The following ZDHHC2 variants were observed in gnomAD, a reference collection of about 807,000 sequenced individuals.
ZDHHC2 encodes palmitoyltransferase ZDHHC2.
A neutral mutation model predicts 55.6 loss-of-function variants in ZDHHC2; 51 were observed. The observed-to-expected ratio is 0.92, with a 90% confidence interval of 0.73 to 1.16. The LOEUF (loss-of-function observed/expected upper bound fraction) is 1.16, where lower values mean the gene tolerates loss of function less well. Among genes scored for constraint, ZDHHC2 ranks in the 50% most tolerant of loss-of-function variants. ZDHHC2 has a pLI of 0.00. For synonymous variants in ZDHHC2, 199 were observed against 152.9 expected (o/e 1.30, Z -2.22); for missense variants, 491 against 442.4 (o/e 1.11, Z -0.99).
intron 12 of ZDHHC2, among the ~76,000 whole-genome samples, chr8:17,219,279 CAG>C (rs1807801345): frequency 2.7e-5 from 2 of 72,968 alleles, no homozygotes; most frequent in Non-Finnish European, 5.5e-5. Context: ...AAAAAAAAAA[CAG>C]AAAAAAAACA....
At chr8:17,168,462 A>AT (rs1006556381) in intron 1 of ZDHHC2, among the ~76,000 whole-genome samples, 85 of 151,936 alleles carry the variant, frequency 5.6e-4, no homozygotes, top group East Asian at 2.9e-3. Flanking sequence ...CCTAGAGCAG[A>AT]TTTTTTTTTA....
chr8:17,200,357 C>G (rs1302170240), intron 6 of ZDHHC2, among the ~76,000 whole-genome samples: 1 of 152,236 alleles, frequency 6.6e-6, no homozygotes, highest in Non-Finnish European at 1.5e-5. Flanking sequence ...AATGCTTTAT[C>G]CTTCCTGTCT....
intron 6 of ZDHHC2, among the ~76,000 whole-genome samples, chr8:17,200,127 C>G (rs1407948255): frequency 4.6e-5 from 7 of 152,136 alleles, no homozygotes; most frequent in Admixed American, 4.6e-4. Flanking sequence ...CCACCTGTAT[C>G]CCCATGACCC....
At chr8:17,209,008 T>A (rs907472410) in intron 8 of ZDHHC2, among the ~76,000 whole-genome samples, 1 of 152,200 alleles carries the variant, frequency 6.6e-6, no homozygotes. Flanking sequence ...ATTTTTCTTT[T>A]TAATGGAGAA....
intron 12 of ZDHHC2, among the ~76,000 whole-genome samples, chr8:17,218,780 C>T (rs897958257): frequency 1.3e-5 from 2 of 152,132 alleles, no homozygotes; most frequent in African/African-American, 2.4e-5. Context: ...TCTATTCTAT[C>T]GATACAACCA....
chr8:17,205,006 G>C (rs1287508574), intron 6 of ZDHHC2, among the ~76,000 whole-genome samples: 1 of 152,106 alleles, frequency 6.6e-6, no homozygotes, highest in Non-Finnish European at 1.5e-5. Flanking sequence ...CATATTTAGA[G>C]CCGACTTTTG....
intron 1 of ZDHHC2, among the ~76,000 whole-genome samples, chr8:17,173,925 C>T (rs1563144068): frequency 6.6e-6 from 1 of 152,064 alleles, no homozygotes; most frequent in Non-Finnish European, 1.5e-5. Flanking sequence ...CCTTATCCAA[C>T]GTGACTTGCT....
chr8:17,204,676 G>A (rs1006876741), intron 6 of ZDHHC2, among the ~76,000 whole-genome samples: 5 of 152,242 alleles, frequency 3.3e-5, no homozygotes, highest in African/African-American at 1.2e-4. Context: ...AGGGTGGGAG[G>A]AGGAAGAAGG....
intron 5 of ZDHHC2, among the ~76,000 whole-genome samples, 197 bp from the exon 6 acceptor site, chr8:17,198,184 A>G (rs1806422337): frequency 6.6e-6 from 1 of 152,152 alleles, no homozygotes; most frequent in South Asian, 2.1e-4. Flanking sequence ...AATTCAAGTT[A>G]TATTATTATA....
chr8:17,214,919 A>G (rs1807572546), intron 10 of ZDHHC2, among the ~76,000 whole-genome samples: 1 of 152,110 alleles, frequency 6.6e-6, no homozygotes, highest in South Asian at 2.1e-4. Context: ...CATAAAATTG[A>G]TAATAAAATA....
At chr8:17,196,873 T>G (rs1329729595) in intron 4 of ZDHHC2, among the ~76,000 whole-genome samples, 2 of 151,266 alleles carry the variant, frequency 1.3e-5, no homozygotes, top group Non-Finnish European at 2.9e-5. Context: ...ATGACACCAG[T>G]GCACTCCAGC....
At chr8:17,164,557 G>A (rs995045126) in intron 1 of ZDHHC2, among the ~76,000 whole-genome samples, 2 of 151,608 alleles carry the variant, frequency 1.3e-5, no homozygotes, top group Admixed American at 6.6e-5. Context: ...GGAACAGAGT[G>A]GTGCAGAGGA....
intron 3 of ZDHHC2, among the ~76,000 whole-genome samples, chr8:17,187,114 G>A (rs1382025745): frequency 6.6e-6 from 1 of 152,230 alleles, no homozygotes; most frequent in Non-Finnish European, 1.5e-5. Flanking sequence ...AGGAAGGGGG[G>A]AGTGTAGCCT....
intron 7 of ZDHHC2, among the ~76,000 whole-genome samples, chr8:17,206,016 G>T (rs1295887954): frequency 6.6e-6 from 1 of 152,158 alleles, no homozygotes; most frequent in African/African-American, 2.4e-5. Flanking sequence ...ACATTGAGTT[G>T]CCCCCATGCC....
At chr8:17,196,181 G>T (rs1781957131) in intron 4 of ZDHHC2, among the ~76,000 whole-genome samples, 1 of 151,988 alleles carries the variant, frequency 6.6e-6, no homozygotes, top group Admixed American at 6.6e-5. Flanking sequence ...CACTTAAACA[G>T]TTGTCTTAAA....
intron 1 of ZDHHC2, among the ~76,000 whole-genome samples, chr8:17,167,913 C>A (rs1202306894): frequency 6.6e-6 from 1 of 152,028 alleles, no homozygotes; most frequent in South Asian, 2.1e-4. Context: ...AACTGTAGTC[C>A]GTTTTAGTAG....
intron 3 of ZDHHC2, among the ~76,000 whole-genome samples, chr8:17,186,901 C>T (rs555093748): frequency 7.9e-5 from 12 of 152,346 alleles, no homozygotes; most frequent in South Asian, 2.1e-4. Context: ...TTCTCTGCCA[C>T]GTGTAGCCTC....
intron 3 of ZDHHC2, among the ~76,000 whole-genome samples, chr8:17,193,418 G>C (rs1275599926): frequency 6.6e-6 from 1 of 152,208 alleles, no homozygotes; most frequent in Non-Finnish European, 1.5e-5. Context: ...TGAGCTGCCG[G>C]GAGCTGGTGG....
intron 6 of ZDHHC2, among the ~76,000 whole-genome samples, chr8:17,199,470 T>TTCTTCTTCG (rs1272474901): frequency 1.0e-3 from 27 of 26,916 alleles, no homozygotes; most frequent in African/African-American, 4.4e-3. Context: ...ATAAGACTTC[T>TTCTTCTTCG]TCTTCTTCTT....
Sources: allele counts gnomAD v4.1 joint callset (sites outside exome capture counted in the v4.1 genomes callset), GRCh38; gene constraint gnomAD v4.1.1; transcripts MANE v1.5; gene names NCBI Gene and HGNC (gene_info 2026-07-23, HGNC 2026-07-21).